The following EPS8L1 variants were observed in gnomAD, a reference collection of about 807,000 sequenced individuals.
EPS8L1 encodes the protein EPS8 signaling adaptor L1.
EPS8L1 carries 101 observed loss-of-function variants against 91.7 expected under a neutral mutation model. The observed-to-expected ratio is 1.10, with a 90% CI of 0.94 to 1.30. EPS8L1 has a LOEUF of 1.30. EPS8L1 is among the 50% of genes most tolerant of loss of function. EPS8L1 has a pLI of 0.00. For synonymous variants in EPS8L1, 506 were observed against 445.3 expected, an observed-to-expected ratio of 1.14 and a Z score of -1.72; for missense variants, 1,114 against 1,017.0, an observed-to-expected ratio of 1.10 and a Z score of -1.30.
chr19:55,086,028 G>C, intron 15 of EPS8L1, 33 bp from the exon 16 acceptor site: 1 of 1,598,776 alleles, frequency 6.3e-7, no homozygotes, highest in Non-Finnish European at 8.6e-7. Flanking sequence ...GCTGCAGACA[G>C]GCTCTGAACC....
Position 55,086,147 on chromosome 19 carries a change from C to A in EPS8L1, c.1605C>A (p.Tyr535Ter). 6.2e-7 allele frequency: 1 copy of A among 1,606,162 alleles called. No individual in the cohort carries two copies. Among genetic ancestry groups the A allele is most frequent in the East Asian group, 2.2e-5 (1 of 44,796 alleles). The change falls in exon 16 of 20, where the codon TAC becomes TAA. Residue 535 changes from tyrosine to a stop codon, truncating the protein, a stop_gained. Transcript: ENST00000201647. LOFTEE classifies it high-confidence loss of function. The stretch of plus-strand genomic sequence containing the variant: ...TGCCCTACAACATCCTGACACCCTA[C>A]CCCGGACCCCGGCTGCACCACAGCC... ...GYVPYNILTPYPGPRLHHSQS... is the reference protein window; with the variant it reads ...GYVPYNILTP
At chr19:55,085,415 T>C (rs975227419) in intron 14 of EPS8L1, among the ~76,000 whole-genome samples, 29 of 152,220 alleles carry the variant, frequency 1.9e-4, no homozygotes, top group African/African-American at 6.8e-4. Context: ...TCTGCCCGCC[T>C]CAGCCTCCCA....
chr19:55,086,633 G>GCGGCCCCCCCCCCCCCCCCCAAGGCCCCA, intron 17 of EPS8L1, 81 bp from the exon 18 acceptor site: 1 of 1,428,506 alleles, frequency 7.0e-7, no homozygotes, highest in Non-Finnish European at 9.4e-7. Context: ...GGACGCTGGA[G>GCGGCCCCCCCCCCCCCCCCCAAGGCCCCA]CGCCCCCCCG....
At position 55,086,819 on chromosome 19, in the gene EPS8L1, C is replaced by A. The variant is rs768077956; in HGVS notation, c.1883C>A (p.Pro628Gln). Residue 628 changes from proline to glutamine, a missense_variant, in exon 18 of 20, where the codon CCG becomes CAG. Pro to Gln is a moderately conservative substitution (Grantham distance 76). Coordinates refer to ENST00000201647, the MANE Select transcript of EPS8L1 (RefSeq NM_133180.3). ...GTCCCAGGGCCCCGCGCCCCGGAAC[C>A]GCAGCTCAGCCCGGGCTCGGACGCC... The part of the protein sequence containing the change: ...RAVPGPRAPE[P>Q]QLSPGSDASE... 8 of 1,576,194 alleles carry A rather than the reference C, an allele frequency of 5.1e-6. No homozygotes were observed. The highest frequency in any genetic ancestry group is 1.1e-5 in the South Asian group (1 of 87,568).
intron 2 of EPS8L1, among the ~76,000 whole-genome samples, chr19:55,077,507 G>T (rs1602904770): frequency 6.6e-6 from 1 of 151,856 alleles, no homozygotes; most frequent in African/African-American, 2.4e-5. Context: ...AGTAGACAGA[G>T]GGTTTGAATC....
intron 2 of EPS8L1, among the ~76,000 whole-genome samples, chr19:55,077,584 C>CTTTTTTTTTT (rs35750835): frequency 1.3e-5 from 1 of 76,894 alleles, no homozygotes; most frequent in African/African-American, 5.2e-5. Context: ...CCTGACCTGT[C>CTTTTTTTTTT]TTTTTTTTTT....
Position 55,081,669 on chromosome 19 carries a change from C to T in EPS8L1, c.775-104C>T. On this transcript the variant is annotated intron_variant, in intron 8 of 19. Transcript: ENST00000201647. This position sits in a 1 kb window ranked among gnomAD's most constrained non-coding sequence, Gnocchi z 4.9. ...GTGGGGCGTGGCCAGGTGTTTGGGG[C>T]GTGGCCTGATCTGGGGAAGTGTATA... The T allele has an allele frequency of 6.7e-7, 1 of 1,494,732 alleles. No homozygotes were observed. The highest frequency in any genetic ancestry group is 8.9e-7 in the Non-Finnish European group (1 of 1,118,498). 92.6% of individuals were successfully genotyped at this position (1,494,732 alleles called of 1,614,324 possible).
Position 55,085,872 on chromosome 19 carries a change from C to T in EPS8L1, c.1417C>T (p.Gln473Ter). Residue 473 changes from glutamine to a stop codon, truncating the protein, a stop_gained, in exon 15 of 20, where the codon CAG (glutamine) becomes TAG (stop). Transcript: ENST00000201647. LOFTEE classifies it high-confidence loss of function. The part of the protein sequence containing the change: ...HRDLEPESEP[Q>*]LESETAGKWV... ...AGACTTGGAGCCAGAATCTGAGCCT[C>T]AGCTGGAGTCAGAGACAGCAGGAAA... The T allele has an allele frequency of 6.2e-7, 1 of 1,613,518 alleles. No homozygotes were observed. The highest frequency in any genetic ancestry group is 8.5e-7 in the Non-Finnish European group (1 of 1,179,678).
At chr19:55,076,385 T>C in intron 1 of EPS8L1, 23 bp from the exon 2 acceptor site, 1 of 1,605,422 alleles carries the variant, frequency 6.2e-7, no homozygotes, top group Middle Eastern at 1.7e-4. Context: ...TGGCCAGGCC[T>C]TCACATGTTT....
rs775272598 is a variant in EPS8L1, at chr19:55,085,828, C to T, written c.1386-13C>T. ...GCTGCCTCCTTATCTCCAACCCTCC[C>T]GCTTCTCCTCAGTCACCGAGACTTG... On this transcript the variant is annotated splice_polypyrimidine_tract_variant and intron_variant, in intron 14 of 19. Coordinates refer to ENST00000201647, the MANE Select transcript of EPS8L1 (RefSeq NM_133180.3). 1.2e-5 allele frequency: 20 copies of T among 1,609,032 alleles called. No individual in the cohort carries two copies. Among genetic ancestry groups the T allele is most frequent in the South Asian group, 7.7e-5 (7 of 90,824 alleles).
intron 17 of EPS8L1, 78 bp from the exon 18 acceptor site, chr19:55,086,636 C>CCCCCCCCCCCCCCCCCCCCAGG: frequency 4.2e-6 from 4 of 956,940 alleles, no homozygotes; most frequent in Non-Finnish European, 5.7e-6. Context: ...CGCTGGAGCG[C>CCCCCCCCCCCCCCCCCCCCAGG]CCCCCCGCCC....
chr19:55,085,797 G>T, intron 14 of EPS8L1, 44 bp from the exon 15 acceptor site: 1 of 1,589,978 alleles, frequency 6.3e-7, no homozygotes. Flanking sequence ...CAGAGCAATG[G>T]GGCTGGCTGC....
At position 55,081,549 on chromosome 19, in the gene EPS8L1, G is replaced by T; in HGVS notation, c.774+57G>T. The T allele has an allele frequency of 6.7e-7, 1 of 1,491,976 alleles. No homozygotes were observed. The highest frequency in any genetic ancestry group is 8.9e-7 in the Non-Finnish European group (1 of 1,123,400). 92.4% of individuals were successfully genotyped at this position (1,491,976 alleles called of 1,614,324 possible). A position where few individuals can be genotyped will look rare whatever the true frequency, so the allele number is the denominator to read the frequency against. On this transcript the variant is annotated intron_variant, in intron 8 of 19. Coordinates refer to ENST00000201647, the MANE Select transcript of EPS8L1 (RefSeq NM_133180.3). This position sits in a 1 kb window ranked among gnomAD's most constrained non-coding sequence, Gnocchi z 4.9. Reference sequence around the variant, plus strand: ...GGCCAGGCGACTGGAGGCGGGGCTAGGGCGTGGAAGGGCGGGGCCGGCTGC... The same window carrying T: ...GGCCAGGCGACTGGAGGCGGGGCTATGGCGTGGAAGGGCGGGGCCGGCTGC...
Position 55,086,857 on chromosome 19 carries a change from G to A in EPS8L1, c.1921G>A (p.Ala641Thr). 6.8e-7 allele frequency: 1 copy of A among 1,479,458 alleles called. No individual in the cohort carries two copies. The highest frequency in any genetic ancestry group is 2.3e-4 in the Middle Eastern group (1 of 4,322). The allele number at this position is 1,479,458 out of a possible 1,614,324, so 91.6% of individuals were successfully genotyped here. A position where few individuals can be genotyped will look rare whatever the true frequency, so the allele number is the denominator to read the frequency against. The part of the protein sequence containing the change: ...SPGSDASEVR[A>T]WLQAKGFSSG... ...GGGCTCGGACGCCTCCGAGGTCCGC[G>A]CCTGGCTGCAGGCCAAGGGCTTTAG... Residue 641 changes from alanine to threonine, a missense_variant, in exon 18 of 20, where the codon GCC becomes ACC. Transcript: ENST00000201647.
In EPS8L1 at chr19:55,086,476, G is replaced by A; in HGVS notation, c.1735G>A (p.Asp579Asn). Residue 579 changes from aspartate (D) to asparagine (N), a missense_variant, in exon 17 of 20, where the codon GAC (aspartate) becomes AAC (asparagine). By Grantham distance (23) the Asp-to-Asn change is conservative. Coordinates refer to ENST00000201647, the MANE Select transcript of EPS8L1 (RefSeq NM_133180.3). ...GCCCCGCTGGGACAGGCCCCGCTGG[G>A]ACAGCTGCGATAGCCTCAACGGCTT... ...ARPRWDRPRW[D>N]SCDSLNGLDP... 1 of 1,551,894 alleles carries A rather than the reference G, an allele frequency of 6.4e-7. No individual in the cohort carries two copies.
chr19:55,083,820 G>T lies in EPS8L1; in HGVS notation c.1385+176G>T. ...GGGCTGGGAGAGAGGGAGGAGCAGG[G>T]TGGGAGGGGGCGGGACCCAGACTTC... On this transcript the variant is annotated intron_variant, in intron 14 of 19. Transcript: ENST00000201647. This position sits in a 1 kb window ranked among gnomAD's most constrained non-coding sequence, Gnocchi z 4.7. 1.4e-6 allele frequency: 1 copy of T among 726,506 alleles called. No individual in the cohort carries two copies. 45.0% of individuals were successfully genotyped at this position (726,506 alleles called of 1,614,324 possible).
Position 55,082,327 on chromosome 19 carries a change from T to A in EPS8L1, c.1043T>A (p.Phe348Tyr). The A allele has an allele frequency of 6.2e-7, 1 of 1,612,660 alleles. No individual in the cohort carries two copies. The highest frequency in any genetic ancestry group is 8.5e-7 in the Non-Finnish European group (1 of 1,179,854). The change falls in exon 11 of 20, where the codon TTC becomes TAC. Residue 348 changes from phenylalanine (F) to tyrosine (Y), a missense_variant. Transcript: ENST00000201647. ...ADPSSPELLHFLFGPLQMIVN... is the reference protein window; with the variant it reads ...ADPSSPELLHYLFGPLQMIVN... ...CCCTCCTCTCCGGAGCTGTTGCACT[T>A]CCTTTTCGGGCCTCTGCAGATGGTG...
chr19:55,076,566 C>G (rs1266982062), intron 2 of EPS8L1, 105 bp downstream of exon 2: 2 of 1,352,806 alleles, frequency 1.5e-6, no homozygotes, highest in African/African-American at 2.9e-5. Context: ...TGCGGCGGCC[C>G]AGACTCTGGC....
intron 16 of EPS8L1, 29 bp downstream of exon 16, chr19:55,086,221 A>G: frequency 1.9e-6 from 3 of 1,593,126 alleles, no homozygotes; most frequent in Non-Finnish European, 2.6e-6. Context: ...TGGGATCTTG[A>G]GGGTGGAGAG....
Sources: gnomAD v4.1 joint callset for allele counts (sites outside exome capture counted in the v4.1 genomes callset) on GRCh38, gnomAD v4.1.1 for gene constraint, Gnocchi (gnomAD v3.1) non-coding constraint, MANE v1.5 for transcripts, NCBI Gene and HGNC (gene_info 2026-07-23, HGNC 2026-07-21) for gene names.